The following ADCY2 variants were observed in gnomAD, a reference collection of about 807,000 sequenced individuals.
The protein encoded by ADCY2 is adenylate cyclase type 2.
In ADCY2, 31 loss-of-function variants were observed where a neutral mutation model predicts 125.2. The ratio of observed to expected loss-of-function variants is 0.25; its 90% CI spans 0.19 to 0.33. ADCY2 has a LOEUF of 0.33. Ranked by LOEUF, ADCY2 falls within the 10% of genes least tolerant of loss-of-function variation. The probability of loss-of-function intolerance (pLI) is 1.00; values close to 1 mark genes in which losing one functional copy is unlikely to be tolerated. For missense variants in ADCY2, 904 were observed against 1,418.2 expected (o/e 0.64, Z 5.82); for synonymous variants, 512 against 548.4 (o/e 0.93, Z 0.93).
At chr5:7,626,971 G>T (rs978511785) in intron 4 of ADCY2, among the ~76,000 whole-genome samples, 1 of 152,276 alleles carries the variant, frequency 6.6e-6, no homozygotes, top group East Asian at 1.9e-4. Flanking sequence ...AGCCAGATAC[G>T]CCAACCATCA....
chr5:7,784,702 T>G (rs1744030441), intron 19 of ADCY2, among the ~76,000 whole-genome samples: 1 of 152,114 alleles, frequency 6.6e-6, no homozygotes, highest in South Asian at 2.1e-4. Flanking sequence ...TAATTTCCTG[T>G]TAAATCTCAA....
At chr5:7,644,500 C>T (rs926675447) in intron 4 of ADCY2, among the ~76,000 whole-genome samples, 4 of 152,096 alleles carry the variant, frequency 2.6e-5, no homozygotes, top group African/African-American at 4.8e-5. Context: ...CAGCTTTTAG[C>T]CCATCATACA....
intron 14 of ADCY2, among the ~76,000 whole-genome samples, chr5:7,738,233 TA>T (rs1322059168): frequency 6.6e-6 from 1 of 152,126 alleles, no homozygotes; most frequent in Non-Finnish European, 1.5e-5. Flanking sequence ...AGAATGGGAT[TA>T]AATTGTTGTG....
At chr5:7,532,728 C>T (rs1734691058) in intron 3 of ADCY2, among the ~76,000 whole-genome samples, 1 of 152,048 alleles carries the variant, frequency 6.6e-6, no homozygotes, top group South Asian at 2.1e-4. Flanking sequence ...GTGGACAAGA[C>T]TGTATGATTT....
intron 2 of ADCY2, among the ~76,000 whole-genome samples, chr5:7,492,066 C>G (rs1385650508): frequency 6.6e-6 from 1 of 152,190 alleles, no homozygotes; most frequent in South Asian, 2.1e-4. Flanking sequence ...CTGTAGATGT[C>G]TGCTTCTCAG....
intron 3 of ADCY2, among the ~76,000 whole-genome samples, chr5:7,595,035 C>T (rs1736964672): frequency 6.6e-6 from 1 of 152,168 alleles, no homozygotes; most frequent in Non-Finnish European, 1.5e-5. Context: ...GCCTTCCCTT[C>T]CCCTTTTAAT....
intron 2 of ADCY2, among the ~76,000 whole-genome samples, chr5:7,510,799 TC>T (rs1744025084): frequency 6.6e-6 from 1 of 152,226 alleles, no homozygotes; most frequent in Non-Finnish European, 1.5e-5. Context: ...CATTACTTGT[TC>T]TAAGGTGGTT....
intron 3 of ADCY2, among the ~76,000 whole-genome samples, chr5:7,581,439 G>A (rs1736428800): frequency 6.6e-6 from 1 of 151,938 alleles, no homozygotes. Context: ...CAATCACTTG[G>A]GTAGTAATGC....
At chr5:7,474,111 TCA>T (rs1335604708) in intron 2 of ADCY2, among the ~76,000 whole-genome samples, 12 of 152,240 alleles carry the variant, frequency 7.9e-5, no homozygotes, top group Non-Finnish European at 1.8e-4. Context: ...TTGTAAGTTA[TCA>T]TGCTTTTTCT....
intron 15 of ADCY2, among the ~76,000 whole-genome samples, chr5:7,753,826 G>GTTCTCT (rs1579393200): frequency 1.3e-5 from 2 of 152,062 alleles, no homozygotes; most frequent in East Asian, 1.9e-4. Context: ...TCACCTCTCT[G>GTTCTCT]TTCTCTTCTA....
At chr5:7,746,595 T>G (rs1221841104) in intron 15 of ADCY2, among the ~76,000 whole-genome samples, 4 of 152,222 alleles carry the variant, frequency 2.6e-5, no homozygotes, top group Non-Finnish European at 5.9e-5. Context: ...ATTCCCTGGC[T>G]TCTTAATAGC....
At chr5:7,416,816 G>A (rs2126337216) in intron 2 of ADCY2, among the ~76,000 whole-genome samples, 1 of 152,294 alleles carries the variant, frequency 6.6e-6, no homozygotes, top group Admixed American at 6.5e-5. Flanking sequence ...TTAAGATCCT[G>A]CTGGTCGGTT....
intron 2 of ADCY2, among the ~76,000 whole-genome samples, chr5:7,463,513 C>A (rs1741991186): frequency 6.6e-6 from 1 of 151,412 alleles, no homozygotes; most frequent in Non-Finnish European, 1.5e-5. Flanking sequence ...AGATGTAGAA[C>A]CAGATCAGTT....
intron 3 of ADCY2, among the ~76,000 whole-genome samples, chr5:7,534,423 T>A (rs566187720): frequency 1.3e-5 from 2 of 152,392 alleles, no homozygotes; most frequent in East Asian, 3.9e-4. Context: ...TAACCTTTTC[T>A]TTAGTTTCTT....
At chr5:7,733,889 T>C (rs1213108534) in intron 14 of ADCY2, among the ~76,000 whole-genome samples, 1 of 152,180 alleles carries the variant, frequency 6.6e-6, no homozygotes, top group African/African-American at 2.4e-5. Flanking sequence ...CCTTCAAGTG[T>C]CCATAACATC....
intron 3 of ADCY2, among the ~76,000 whole-genome samples, chr5:7,589,458 A>AAAAGAAAGAAGGAAAGAAAGAAAGAAAG (rs1736748077): frequency 1.4e-5 from 1 of 72,932 alleles, no homozygotes; most frequent in Non-Finnish European, 2.8e-5. Context: ...GAAGGAAAGA[A>AAAAGAAAGAAGGAAAGAAAGAAAGAAAG]AAAGAAAGAA....
chr5:7,535,091 AG>A (rs1458204983), intron 3 of ADCY2, among the ~76,000 whole-genome samples: 1 of 152,178 alleles, frequency 6.6e-6, no homozygotes, highest in Non-Finnish European at 1.5e-5. Context: ...CCCAGGCTAG[AG>A]TGCAATGGCG....
At chr5:7,652,829 G>A (rs1739143761) in intron 4 of ADCY2, among the ~76,000 whole-genome samples, 1 of 152,192 alleles carries the variant, frequency 6.6e-6, no homozygotes, top group Admixed American at 6.5e-5. Flanking sequence ...ACCCTCTCTT[G>A]CTCTGTGGCG....
At chr5:7,515,780 C>A (rs904195556) in intron 2 of ADCY2, among the ~76,000 whole-genome samples, 7 of 152,132 alleles carry the variant, frequency 4.6e-5, no homozygotes, top group Non-Finnish European at 1.0e-4. Context: ...CTGTCCTGGG[C>A]ACTGGGGTCT....
Sources: allele counts gnomAD v4.1 joint callset (sites outside exome capture counted in the v4.1 genomes callset), GRCh38; gene constraint gnomAD v4.1.1; transcripts MANE v1.5; gene names NCBI Gene and HGNC (gene_info 2026-07-23, HGNC 2026-07-21).